The following PKD1 variants were observed in gnomAD, a reference collection of about 807,000 sequenced individuals.
PKD1 encodes the protein polycystin 1, transient receptor potential channel interacting, also known as polycystin-1.
Under a neutral mutation model 361.7 loss-of-function variants are expected in PKD1, and 81 were observed. That is an observed-to-expected ratio of 0.22 (90% confidence interval 0.19 to 0.27). PKD1 has a LOEUF of 0.27. PKD1 is among the 10% of genes least tolerant of loss of function. The probability of loss-of-function intolerance (pLI) is 1.00; values close to 1 mark genes in which losing one functional copy is unlikely to be tolerated. For synonymous variants in PKD1, 3,615 were observed against 2,818.3 expected (o/e 1.28, Z -8.95); for missense variants, 6,399 against 6,118.3 (o/e 1.05, Z -1.53).
rs1437475945 is a variant in PKD1, at chr16:2,118,480, T to C, written c.530-18A>G. On this transcript the variant is annotated intron_variant, in intron 4 of 45. Transcript: ENST00000262304. This position sits in a 1 kb window ranked among gnomAD's most constrained non-coding sequence, Gnocchi z 6.0. ...CTCCTCACCTAGAAGAGGCAGCCAC[T>C]GGACCCCGGGTTCTGCTCCTCCTGG... 12 of 1,313,668 alleles carry C rather than the reference T, an allele frequency of 9.1e-6. No individual in the cohort carries two copies. Among genetic ancestry groups the C allele is most frequent in the African/African-American group, 1.5e-5 (1 of 68,690 alleles). 81.4% of individuals were successfully genotyped at this position (1,313,668 alleles called of 1,614,324 possible). A position where few individuals can be genotyped will look rare whatever the true frequency, so the allele number is the denominator to read the frequency against.
intron 34 of PKD1, among the ~76,000 whole-genome samples, chr16:2,096,473 T>A (rs188833373): frequency 1.3e-5 from 2 of 152,258 alleles, no homozygotes; most frequent in Admixed American, 1.3e-4. Context: ...GTAACCTCTA[T>A]ATGACCATTT....
At chr16:2,113,625 G>C (rs573101913) in intron 11 of PKD1, among the ~76,000 whole-genome samples, 109 of 152,332 alleles carry the variant, frequency 7.2e-4, no homozygotes, top group Middle Eastern at 3.4e-3. Context: ...TCCTCACCCA[G>C]AGAGCTCGGA....
chr16:2,091,052 C>A lies in PKD1; in HGVS notation c.11835G>T (p.Thr3945=). ...CGAGGCGTACCAGTGCCGTGGCCGC[C>A]GTCAGCGCCACCAGCAGCCACCGCG... ...AWARWLLVAL[T]AATALVRLAQ... is the part of the protein sequence containing the mutation. Residue 3945 remains threonine, a synonymous_variant, in exon 43 of 46, where the codon ACG becomes ACT. Coordinates refer to ENST00000262304, the MANE Select transcript of PKD1 (RefSeq NM_001009944.3). 1 of 1,524,016 alleles carries A rather than the reference C, an allele frequency of 6.6e-7. No homozygotes were observed. The highest frequency in any genetic ancestry group is 8.8e-7 in the Non-Finnish European group (1 of 1,141,052). The allele number at this position is 1,524,016 out of a possible 1,614,324, so 94.4% of individuals were successfully genotyped here. A position where few individuals can be genotyped will look rare whatever the true frequency, so the allele number is the denominator to read the frequency against.
rs760474929 is a variant in PKD1 at position 2,100,598 on chromosome 16, G to C, written c.9398-32C>G. On this transcript the variant is annotated intron_variant, in intron 26 of 45. Coordinates refer to ENST00000262304, the MANE Select transcript of PKD1 (RefSeq NM_001009944.3). This position sits in a 1 kb window ranked among gnomAD's most constrained non-coding sequence, Gnocchi z 4.4. ...GGCAAGAGGGAGGGGTGGGAGGCTC[G>C]GTCTGCTGCCCAACACGTGTGGCAT... 6.3e-7 allele frequency: 1 copy of C among 1,588,906 alleles called. No individual in the cohort carries two copies. Among genetic ancestry groups the C allele is most frequent in the South Asian group, 1.1e-5 (1 of 90,514 alleles).
In PKD1 at chr16:2,110,401, G is replaced by A. The variant is rs142589124; in HGVS notation, c.4766C>T (p.Thr1589Met). The change falls in exon 15 of 46, where the codon ACG becomes ATG. Residue 1589 changes from threonine (T) to methionine (M), a missense_variant. Thr to Met is a moderately conservative substitution (Grantham distance 81). Transcript: ENST00000262304. The part of the protein sequence containing the change: ...RYSWVLCDRC[T>M]PIPGGPTISY... Reference sequence around the variant, plus strand: ...GATGGTAGGACCCCCAGGGATGGGCGTGCAGCGGTCACAGAGCACCCAGGA... The same window carrying A: ...GATGGTAGGACCCCCAGGGATGGGCATGCAGCGGTCACAGAGCACCCAGGA... The A allele has an allele frequency of 6.2e-6, 10 of 1,612,608 alleles. No homozygotes were observed. Among genetic ancestry groups the A allele is most frequent in the South Asian group, 1.1e-5 (1 of 91,080 alleles).
chr16:2,108,866 G>C lies in PKD1; in HGVS notation c.6301C>G (p.Pro2101Ala). 2 of 1,576,764 alleles carry C rather than the reference G, an allele frequency of 1.3e-6. No individual in the cohort carries two copies. The highest frequency in any genetic ancestry group is 1.7e-6 in the Non-Finnish European group (2 of 1,162,498). ...CTGGGCTCATCTGTGTCCTGCCCTG[G>C]CGACCCATCCCCAAAGTCCCAGTGG... ...AYHWDFGDGS[P>A]GQDTDEPRAE... The change falls in exon 15 of 46, where the codon CCA (proline) becomes GCA (alanine). Residue 2101 changes from proline (P) to alanine (A), a missense_variant. Physicochemically the swap from Pro to Ala is conservative, Grantham distance 27. Coordinates refer to ENST00000262304, the MANE Select transcript of PKD1 (RefSeq NM_001009944.3).
chr16:2,123,445 G>A (rs1299893557), intron 1 of PKD1: 1 of 456,336 alleles, frequency 2.2e-6, no homozygotes, highest in Non-Finnish European at 4.4e-6. Flanking sequence ...ACAGCACAGG[G>A]GTCCCCGTGG....
Position 2,092,463 on chromosome 16 carries a change from A to T in PKD1, c.11269+17T>A. 1 of 1,521,468 alleles carries T rather than the reference A, an allele frequency of 6.6e-7. No homozygotes were observed. The highest frequency in any genetic ancestry group is 9.1e-7 in the Non-Finnish European group (1 of 1,098,742). 94.2% of individuals were successfully genotyped at this position (1,521,468 alleles called of 1,614,324 possible). Reference sequence around the variant, plus strand: ...AGAGGAACGATTTAAGTCTTGGGGCACGCCCTGCCAGCTCACCTTCCTGCA... The same window carrying T: ...AGAGGAACGATTTAAGTCTTGGGGCTCGCCCTGCCAGCTCACCTTCCTGCA... On this transcript the variant is annotated intron_variant, in intron 39 of 45. Coordinates refer to ENST00000262304, the MANE Select transcript of PKD1 (RefSeq NM_001009944.3).
In PKD1 at chr16:2,089,587, G is replaced by A. The variant is rs772300257; in HGVS notation, c.*140C>T. 4.6e-6 allele frequency: 5 copies of A among 1,085,260 alleles called. No individual in the cohort carries two copies. The highest frequency in any genetic ancestry group is 3.1e-5 in the African/African-American group (2 of 64,528). 67.2% of individuals were successfully genotyped at this position (1,085,260 alleles called of 1,614,324 possible). On this transcript the variant is annotated 3_prime_UTR_variant, in exon 46 of 46. Coordinates refer to ENST00000262304, the MANE Select transcript of PKD1 (RefSeq NM_001009944.3). ...CCTCTTTAAAGTGCTGAAGCCCACA[G>A]ACAGACAGATGCCCCTGCCTGCTCT...
At chr16:2,102,758 C>T in intron 24 of PKD1, 56 bp downstream of exon 24, 1 of 1,607,276 alleles carries the variant, frequency 6.2e-7, no homozygotes, top group Non-Finnish European at 8.5e-7. Flanking sequence ...GTAACCCAGG[C>T]AATGCTGACC....
chr16:2,099,737 G>A lies in PKD1; in HGVS notation c.9957C>T (p.Ser3319=), dbSNP rs141101590. 5,769 of 1,557,476 alleles carry A rather than the reference G, an allele frequency of 3.7e-3. 14 individuals carry two copies. The highest frequency in any genetic ancestry group is 3.8e-3 in the Non-Finnish European group (4,411 of 1,151,824). Residue 3319 remains serine (S), a synonymous_variant, in exon 30 of 46, where the codon AGC becomes AGT. Coordinates refer to ENST00000262304, the MANE Select transcript of PKD1 (RefSeq NM_001009944.3). The part of the protein sequence containing the change: ...TGHVSRLSPL[S]VDTVAVGLVS... ...CCAGGCCAACAGCGACTGTGTCGAC[G>A]CTCAGCGGGCTCAGCCTGGACACAT...
chr16:2,109,092 G>T lies in PKD1; in HGVS notation c.6075C>A (p.Asp2025Glu). 6.2e-7 allele frequency: 1 copy of T among 1,603,518 alleles called. No homozygotes were observed. The highest frequency in any genetic ancestry group is 8.5e-7 in the Non-Finnish European group (1 of 1,173,898). ...CCGCGGCCACGGGCGTGTAGGTGAC[G>T]TCGCGGCCCGACAGGATGACCAGCG... ...GDSLVILSGR[D>E]VTYTPVAAGL... Residue 2025 changes from aspartate to glutamate, a missense_variant, in exon 15 of 46, where the codon GAC becomes GAA. Physicochemically the swap from Asp to Glu is conservative, Grantham distance 45. Transcript: ENST00000262304.
In PKD1 at chr16:2,090,493, G is replaced by A. The variant is rs1224705217; in HGVS notation, c.12236C>T (p.Ser4079Phe). 17 of 1,611,606 alleles carry A rather than the reference G, an allele frequency of 1.1e-5. No individual in the cohort carries two copies. The highest frequency in any genetic ancestry group is 6.6e-5 in the South Asian group (6 of 91,028). ...TGLSTLCPAE[S>F]WHLSPLLCVG... ...ACACAGCAGGGGTGACAGGTGCCAGGACTCGGCAGGACACAGGGTAGAGAG... is the reference window on the plus strand; with the variant it reads ...ACACAGCAGGGGTGACAGGTGCCAGAACTCGGCAGGACACAGGGTAGAGAG... Residue 4079 changes from serine (S) to phenylalanine (F), a missense_variant, in exon 45 of 46, where the codon TCC (serine) becomes TTC (phenylalanine). Ser to Phe is a radical substitution (Grantham distance 155). Coordinates refer to ENST00000262304, the MANE Select transcript of PKD1 (RefSeq NM_001009944.3).
In PKD1 at chr16:2,110,320, T is replaced by A; in HGVS notation, c.4847A>T (p.Glu1616Val). Reference protein sequence around the residue: ...TFNIIVTAENEVGSAQDSIFV... With the variant: ...TFNIIVTAENVVGSAQDSIFV... Reference sequence around the variant, plus strand: ...GATGCTGTCCTGGGCGGAGCCCACCTCGTTCTCAGCCGTGACGATGATATT... The same window carrying A: ...GATGCTGTCCTGGGCGGAGCCCACCACGTTCTCAGCCGTGACGATGATATT... The change falls in exon 15 of 46, where the codon GAG (glutamate) becomes GTG (valine). Residue 1616 changes from glutamate (E) to valine (V), a missense_variant. Physicochemically the swap from Glu to Val is moderately radical, Grantham distance 121. Coordinates refer to ENST00000262304, the MANE Select transcript of PKD1 (RefSeq NM_001009944.3). 4.3e-6 allele frequency: 7 copies of A among 1,612,616 alleles called. No individual in the cohort carries two copies. Among genetic ancestry groups the A allele is most frequent in the Non-Finnish European group, 5.9e-6 (7 of 1,179,846 alleles).
At chr16:2,104,890 G>A (rs1596533633) in intron 21 of PKD1, among the ~76,000 whole-genome samples, 1 of 20,656 alleles carries the variant, frequency 4.8e-5, no homozygotes, top group Non-Finnish European at 9.6e-5. Context: ...GAGCGGAGGA[G>A]GAGGGGAGAG....
chr16:2,089,776 C>T lies in PKD1; in HGVS notation c.12863G>A (p.Ser4288Asn). 6.3e-7 allele frequency: 1 copy of T among 1,597,608 alleles called. No individual in the cohort carries two copies. Among genetic ancestry groups the T allele is most frequent in the Non-Finnish European group, 8.5e-7 (1 of 1,173,448 alleles). The change falls in exon 46 of 46, where the codon AGC becomes AAC. Residue 4288 changes from serine to asparagine, a missense_variant. Ser to Asn is a conservative substitution (Grantham distance 46, BLOSUM62 1). Transcript: ENST00000262304. ...GTTCTTGGCCCGAAGGGGTGTCCTG[C>T]TGGGGCCAGTGGCCAGGTCCACACC... ...SRGVDLATGP[S>N]RTPLRAKNKV...
chr16:2,112,243 T>C, intron 14 of PKD1, 97 bp downstream of exon 14: 1 of 1,055,622 alleles, frequency 9.5e-7, no homozygotes, highest in Admixed American at 2.0e-5. Context: ...CAGTGAGGGC[T>C]GTTGGGGAGG....
At chr16:2,131,440 G>A (rs1183444262) in intron 1 of PKD1, among the ~76,000 whole-genome samples, 4 of 151,946 alleles carry the variant, frequency 2.6e-5, no homozygotes, top group African/African-American at 4.8e-5. Context: ...CCCAGGAGGC[G>A]GAGCTTGCAG....
Position 2,100,128 on chromosome 16 carries a change from A to T in PKD1, c.9712+38T>A, listed in dbSNP as rs1294779205. On this transcript the variant is annotated intron_variant, in intron 28 of 45. Coordinates refer to ENST00000262304, the MANE Select transcript of PKD1 (RefSeq NM_001009944.3). The surrounding 1 kb of genome is among the most constrained non-coding windows in gnomAD (Gnocchi z 4.4). ...GCCACGGGGCAGGACCACCCTGCCC[A>T]ACCTCCCACGGAGTGGGAACATGGA... The T allele has an allele frequency of 6.2e-7, 1 of 1,602,506 alleles. No individual in the cohort carries two copies. Among genetic ancestry groups the T allele is most frequent in the South Asian group, 1.1e-5 (1 of 90,740 alleles).
Sources: gnomAD v4.1 joint callset for allele counts (sites outside exome capture counted in the v4.1 genomes callset) on GRCh38, gnomAD v4.1.1 for gene constraint, Gnocchi (gnomAD v3.1) non-coding constraint, MANE v1.5 for transcripts, NCBI Gene and HGNC (gene_info 2026-07-23, HGNC 2026-07-21) for gene names.